The following GARIN1A variants were observed in gnomAD, a reference collection of about 807,000 sequenced individuals.
The protein encoded by GARIN1A is Golgi-associated RAB2 interactor protein 1A.
the GARIN1A span, among the ~76,000 whole-genome samples, chr7:128,708,885 A>G: frequency 6.6e-5 from 10 of 152,198 alleles, no homozygotes; most frequent in Non-Finnish European, 2.9e-5. Context: ...TAAATAATAA[A>G]TAATTCTCCA....
the GARIN1A span, among the ~76,000 whole-genome samples, chr7:128,703,509 G>C: frequency 2.0e-5 from 3 of 152,152 alleles, no homozygotes; most frequent in Non-Finnish European, 2.9e-5. Flanking sequence ...AAATGTACAG[G>C]GCAGGGCACA....
chr7:128,708,670 T>C, the GARIN1A span, among the ~76,000 whole-genome samples: 16 of 152,206 alleles, frequency 1.1e-4, no homozygotes, highest in Non-Finnish European at 1.6e-4. Context: ...TTAATTAGCA[T>C]TCTTTATTAT....
chr7:128,696,039 G>T, the GARIN1A span, among the ~76,000 whole-genome samples: 1 of 107,388 alleles, frequency 9.3e-6, no homozygotes, highest in Non-Finnish European at 1.7e-5. Flanking sequence ...TTTTGACAAG[G>T]TCTCACTCTA....
the GARIN1A span, among the ~76,000 whole-genome samples, chr7:128,695,103 G>A: frequency 1.3e-5 from 2 of 152,186 alleles, no homozygotes; most frequent in Non-Finnish European, 2.9e-5. The surrounding 1 kb of genome is among the most constrained non-coding windows in gnomAD (Gnocchi z 4.5). Flanking sequence ...TAAAGAAAAA[G>A]ATGTTACTAT....
the GARIN1A span, chr7:128,686,998 C>A: frequency 6.6e-6 from 1 of 152,388 alleles, no homozygotes; most frequent in East Asian, 1.9e-4. Flanking sequence ...GCCATAGAAT[C>A]TTATGCTCCC....
the GARIN1A span, chr7:128,680,014 T>C: frequency 2.6e-6 from 4 of 1,518,060 alleles, no homozygotes; most frequent in East Asian, 5.0e-5. Flanking sequence ...CATCTGACGC[T>C]AAATTTCTCC....
the GARIN1A span, chr7:128,672,636 A>C: frequency 7.4e-6 from 2 of 269,742 alleles, no homozygotes; most frequent in African/African-American, 2.6e-5. Context: ...GTGGCCTTTT[A>C]AAGCCCTGGG....
chr7:128,698,888 A>G, the GARIN1A span, among the ~76,000 whole-genome samples: 4 of 152,272 alleles, frequency 2.6e-5, no homozygotes, highest in African/African-American at 4.8e-5. Flanking sequence ...CGCCCGGCCA[A>G]TGCCCCTCAT....
chr7:128,679,476 C>G, the GARIN1A span, among the ~76,000 whole-genome samples: 1 of 152,184 alleles, frequency 6.6e-6, no homozygotes, highest in African/African-American at 2.4e-5. Flanking sequence ...CAGGTGTGAG[C>G]CACTGCGCCC....
At chr7:128,681,902 G>A in the GARIN1A span, among the ~76,000 whole-genome samples, 572 of 85,344 alleles carry the variant, frequency 6.7e-3, 23 homozygotes, top group Admixed American at 0.065. Flanking sequence ...CAACCCCCCT[G>A]GCCATGGCTC....
chr7:128,674,295 A>T, the GARIN1A span, among the ~76,000 whole-genome samples: 1 of 152,154 alleles, frequency 6.6e-6, no homozygotes, highest in Non-Finnish European at 1.5e-5. Flanking sequence ...TTTTTTAAAA[A>T]AAAATTTTTG....
chr7:128,699,213 T>C, the GARIN1A span, among the ~76,000 whole-genome samples: 1 of 147,328 alleles, frequency 6.8e-6, no homozygotes, highest in South Asian at 2.1e-4. Context: ...AAGATTCCAA[T>C]AATACAGAAC....
the GARIN1A span, chr7:128,675,819 T>A: frequency 6.2e-7 from 1 of 1,613,654 alleles, no homozygotes; most frequent in Non-Finnish European, 8.5e-7. Context: ...ATTTACCACC[T>A]GGAGCACACC....
At chr7:128,703,321 G>T in the GARIN1A span, among the ~76,000 whole-genome samples, 3 of 152,198 alleles carry the variant, frequency 2.0e-5, no homozygotes, top group African/African-American at 7.2e-5. Flanking sequence ...CAAATTTCAT[G>T]CAAAGTGTAT....
the GARIN1A span, among the ~76,000 whole-genome samples, chr7:128,681,888 C>T: frequency 4.0e-5 from 6 of 149,726 alleles, no homozygotes; most frequent in South Asian, 4.3e-4. Context: ...TGCACCCCCC[C>T]CCACAACCCC....
At chr7:128,691,456 T>TC in the GARIN1A span, 2 of 152,146 alleles carry the variant, frequency 1.3e-5, no homozygotes, top group Non-Finnish European at 2.9e-5. Context: ...CCAGAGCAAC[T>TC]CCATCTTGAA....
the GARIN1A span, among the ~76,000 whole-genome samples, chr7:128,674,585 A>G: frequency 6.6e-6 from 1 of 152,208 alleles, no homozygotes; most frequent in African/African-American, 2.4e-5. Flanking sequence ...CTTACTCTCA[A>G]TGTGTACAAC....
chr7:128,695,838 C>T, the GARIN1A span, among the ~76,000 whole-genome samples: 1 of 151,988 alleles, frequency 6.6e-6, no homozygotes, highest in Non-Finnish European at 1.5e-5. This position sits in a 1 kb window ranked among gnomAD's most constrained non-coding sequence, Gnocchi z 4.5. Context: ...GCCACCATGC[C>T]CAGCCATATA....
At chr7:128,674,039 G>A in the GARIN1A span, among the ~76,000 whole-genome samples, 2 of 151,974 alleles carry the variant, frequency 1.3e-5, no homozygotes, top group South Asian at 2.1e-4. Context: ...GACCACAGGC[G>A]TGCACCACCT....
Sources: gnomAD v4.1 joint callset for allele counts (sites outside exome capture counted in the v4.1 genomes callset) on GRCh38, gnomAD v4.1.1 for gene constraint, Gnocchi (gnomAD v3.1) non-coding constraint, MANE v1.5 for transcripts, NCBI Gene and HGNC (gene_info 2026-07-23, HGNC 2026-07-21) for gene names.